The following NAT10 variants were observed in gnomAD, a reference collection of about 807,000 sequenced individuals.
NAT10 encodes the protein RNA cytidine acetyltransferase.
NAT10 carries 109 observed loss-of-function variants against 132.2 expected under a neutral mutation model. The observed-to-expected ratio is 0.82, with a 90% CI of 0.71 to 0.97. NAT10 has a LOEUF of 0.97. Ranked by LOEUF, NAT10 falls within the 50% of genes least tolerant of loss-of-function variation. NAT10 has a pLI of 0.00. For synonymous variants in NAT10, 479 were observed against 478.0 expected, an observed-to-expected ratio of 1.00 and a Z score of -0.03; for missense variants, 1,184 against 1,263.4, an observed-to-expected ratio of 0.94 and a Z score of 0.95.
intron 27 of NAT10, 60 bp downstream of exon 27, chr11:34,142,408 ACACGTTTCTTCTAAT>A (rs1339559561): frequency 1.4e-6 from 2 of 1,463,092 alleles, no homozygotes; most frequent in African/African-American, 2.8e-5. Context: ...GAATCTGCCT[ACACGTTTCTTCTAAT>A]CATATCCCAC....
chr11:34,119,040 G>T (rs1851837568), intron 8 of NAT10, among the ~76,000 whole-genome samples: 1 of 152,242 alleles, frequency 6.6e-6, no homozygotes, highest in South Asian at 2.1e-4. Context: ...AGTGAGAGGA[G>T]AACTTGAGGC....
chr11:34,123,146 C>A (rs1332618472), intron 9 of NAT10, among the ~76,000 whole-genome samples: 1 of 152,154 alleles, frequency 6.6e-6, no homozygotes, highest in African/African-American at 2.4e-5. Flanking sequence ...GCATTATCTT[C>A]CTTGGTGCTC....
In NAT10 at chr11:34,123,764, A is replaced by G; in HGVS notation, c.917A>G (p.Tyr306Cys). 6.3e-7 allele frequency: 1 copy of G among 1,580,536 alleles called. No individual in the cohort carries two copies. The highest frequency in any genetic ancestry group is 8.7e-7 in the Non-Finnish European group (1 of 1,149,804). ...LAIAGAVAFG[Y>C]SNIFVTSPSP... ...CCTTCTTTTATTTTGTTCTGTAGGTACTCCAATATCTTTGTTACCTCCCCA... is the reference window on the plus strand; with the variant it reads ...CCTTCTTTTATTTTGTTCTGTAGGTGCTCCAATATCTTTGTTACCTCCCCA... The change falls in exon 10 of 29, where the codon TAC becomes TGC. Residue 306 changes from tyrosine to cysteine, a missense_variant and splice_region_variant. Tyr to Cys is a radical substitution (Grantham distance 194). Coordinates refer to ENST00000257829, the MANE Select transcript of NAT10 (RefSeq NM_024662.3).
chr11:34,113,870 G>A (rs1851742276), intron 5 of NAT10, 32 bp downstream of exon 5: 2 of 1,607,688 alleles, frequency 1.2e-6, no homozygotes, highest in Non-Finnish European at 1.7e-6. Context: ...TAATTGTGAG[G>A]GTTCAAGTAA....
intron 8 of NAT10, 113 bp from the exon 9 acceptor site, chr11:34,122,346 T>C: frequency 7.2e-7 from 1 of 1,383,398 alleles, no homozygotes; most frequent in South Asian, 1.3e-5. Context: ...CTGCAAGAAC[T>C]GCCGCCCTCT....
Position 34,113,742 on chromosome 11 carries a change from G to A in NAT10, c.399G>A (p.Leu133=). 6.2e-7 allele frequency: 1 copy of A among 1,611,324 alleles called. No homozygotes were observed. The highest frequency in any genetic ancestry group is 1.1e-5 in the South Asian group (1 of 90,764). ...ATTTTGAAGCCTTAACTCCAAACTT[G>A]CTGGCCAGGACTGTAGAAACAGTGG... is the stretch of plus-strand genomic sequence containing the variant. ...LQDFEALTPN[L]LARTVETVEG... is the part of the protein sequence containing the mutation. Residue 133 remains leucine, a synonymous_variant, in exon 5 of 29, where the codon TTG becomes TTA. Transcript: ENST00000257829.
At chr11:34,120,487 A>G (rs1196651632) in intron 8 of NAT10, among the ~76,000 whole-genome samples, 3 of 152,212 alleles carry the variant, frequency 2.0e-5, no homozygotes, top group Non-Finnish European at 4.4e-5. Context: ...CTAGGCAAGC[A>G]TGACAACTTC....
intron 8 of NAT10, among the ~76,000 whole-genome samples, chr11:34,121,858 C>CA (rs34304264): frequency 0.54 from 19,731 of 36,574 alleles, 5,709 homozygotes; most frequent in East Asian, 0.6. Flanking sequence ...GACTCTGTCT[C>CA]AAAAAAAAAA....
intron 3 of NAT10, among the ~76,000 whole-genome samples, chr11:34,110,139 C>T (rs1312564337): frequency 6.6e-6 from 1 of 152,128 alleles, no homozygotes. Context: ...CTCAGACCAC[C>T]TTCCGGAGCT....
intron 24 of NAT10, 78 bp from the exon 25 acceptor site, chr11:34,141,011 G>A: frequency 6.3e-7 from 1 of 1,595,786 alleles, no homozygotes; most frequent in Non-Finnish European, 8.6e-7. Context: ...GGTCAAGAGA[G>A]TACTCTGGTT....
At chr11:34,133,988 T>TAAA (rs780216626) in intron 16 of NAT10, among the ~76,000 whole-genome samples, 3 of 122,234 alleles carry the variant, frequency 2.5e-5, no homozygotes, top group African/African-American at 9.0e-5. Flanking sequence ...CCTTCTCTAC[T>TAAA]AAAAAAAAAA....
At chr11:34,127,637 A>G (rs1852019548) in intron 12 of NAT10, 38 bp downstream of exon 12, 1 of 1,577,162 alleles carries the variant, frequency 6.3e-7, no homozygotes, top group African/African-American at 1.4e-5. Context: ...CTCCCGTGGC[A>G]GGCTCTTGCA....
At position 34,112,089 on chromosome 11, in the gene NAT10, A is replaced by T; in HGVS notation, c.238A>T (p.Ile80Leu). The T allele has an allele frequency of 6.2e-7, 1 of 1,614,202 alleles. No homozygotes were observed. The highest frequency in any genetic ancestry group is 8.5e-7 in the Non-Finnish European group (1 of 1,180,028). The change falls in exon 4 of 29, where the codon ATA becomes TTA. Residue 80 changes from isoleucine to leucine, a missense_variant. Physicochemically the swap from Ile to Leu is conservative, Grantham distance 5. Coordinates refer to ENST00000257829, the MANE Select transcript of NAT10 (RefSeq NM_024662.3). ...AAGAATGCGACAGCTGCAGAAGAAAATAAAGAATGGAACACTGAACATAAA... is the reference window on the plus strand; with the variant it reads ...AAGAATGCGACAGCTGCAGAAGAAATTAAAGAATGGAACACTGAACATAAA... ...KKRMRQLQKKIKNGTLNIKQD... is the reference protein window; with the variant it reads ...KKRMRQLQKKLKNGTLNIKQD...
In NAT10 at chr11:34,122,513, A is replaced by G. The variant is rs912210828; in HGVS notation, c.835A>G (p.Thr279Ala). The change falls in exon 9 of 29, where the codon ACT (threonine) becomes GCT (alanine). Residue 279 changes from threonine (T) to alanine (A), a missense_variant. Physicochemically the swap from Thr to Ala is moderately conservative, Grantham distance 58. Coordinates refer to ENST00000257829, the MANE Select transcript of NAT10 (RefSeq NM_024662.3). ...CATCTCTGAAAAGACCCTGAGGAGT[A>G]CTGTTGCACTCACAGCTGCTCGAGG... is the stretch of plus-strand genomic sequence containing the variant. ...EGISEKTLRS[T>A]VALTAARGRG... 6.2e-7 allele frequency: 1 copy of G among 1,614,098 alleles called. No individual in the cohort carries two copies. Among genetic ancestry groups the G allele is most frequent in the African/African-American group, 1.3e-5 (1 of 74,938 alleles).
rs1359472913 is a variant in NAT10 at position 34,121,850 on chromosome 11, C to G, written c.781-609C>G. ...ACTCCAGCCTGGTGACAGAGCGAGA[C>G]TCTGTCTCAAAAAAAAAAAAAAAAA... is the stretch of plus-strand genomic sequence containing the variant. On this transcript the variant is annotated intron_variant, in intron 8 of 28. Coordinates refer to ENST00000257829, the MANE Select transcript of NAT10 (RefSeq NM_024662.3). 3.3e-5 allele frequency among the ~76,000 whole-genome samples: 3 copies of G among 89,730 alleles called. No homozygotes were observed. The East Asian group carries it at 1.1e-3, about 33-fold the overall frequency. 58.9% of individuals were successfully genotyped at this position (89,730 alleles called of 152,430 possible). A position where few individuals can be genotyped will look rare whatever the true frequency, so the allele number is the denominator to read the frequency against.
intron 8 of NAT10, among the ~76,000 whole-genome samples, chr11:34,120,235 A>G (rs1252827452): frequency 7.9e-6 from 1 of 125,930 alleles, no homozygotes; most frequent in Non-Finnish European, 1.6e-5. Context: ...TTGGTTCTTC[A>G]TTTTAGGATG....
chr11:34,133,183 A>G (rs1852136718), intron 16 of NAT10, 41 bp downstream of exon 16: 1 of 1,436,560 alleles, frequency 7.0e-7, no homozygotes, highest in Non-Finnish European at 9.8e-7. Context: ...GATTTGGGGA[A>G]CCACTGAGGC....
At chr11:34,111,259 G>C (rs1265590738) in intron 3 of NAT10, among the ~76,000 whole-genome samples, 1 of 152,168 alleles carries the variant, frequency 6.6e-6, no homozygotes, top group South Asian at 2.1e-4. Context: ...TGTAAGTCAC[G>C]GGCTTAAGGC....
At chr11:34,126,020 C>G (rs1285278039) in intron 11 of NAT10, among the ~76,000 whole-genome samples, 1 of 152,164 alleles carries the variant, frequency 6.6e-6, no homozygotes, top group Admixed American at 6.5e-5. Flanking sequence ...TGCCGCCTCC[C>G]TGGCCCATCA....
Sources: gnomAD v4.1 joint callset for allele counts (sites outside exome capture counted in the v4.1 genomes callset) on GRCh38, gnomAD v4.1.1 for gene constraint, MANE v1.5 for transcripts, NCBI Gene and HGNC (gene_info 2026-07-23, HGNC 2026-07-21) for gene names.